CELF4: variants seen among roughly 807,000 people sequenced by gnomAD.
CELF4 encodes the protein CUG-BP- and ETR-3-like factor 4.
CELF4 carries 18 observed loss-of-function variants against 59.9 expected under a neutral mutation model. That is an observed-to-expected ratio of 0.30 (90% confidence interval 0.21 to 0.45). The LOEUF (loss-of-function observed/expected upper bound fraction) is 0.45, where lower values mean the gene tolerates loss of function less well. Ranked by LOEUF, CELF4 falls within the 20% of genes least tolerant of loss-of-function variation. CELF4 has a pLI of 1.00. For synonymous variants in CELF4, 261 were observed against 267.1 expected (o/e 0.98, Z 0.22); for missense variants, 456 against 689.0 (o/e 0.66, Z 3.79).
At chr18:37,354,966 T>C (rs1221810014) in intron 2 of CELF4, among the ~76,000 whole-genome samples, 1 of 152,232 alleles carries the variant, frequency 6.6e-6, no homozygotes, top group Non-Finnish European at 1.5e-5. Flanking sequence ...TTTCAGCAGC[T>C]CTTTCTCCAG....
intron 2 of CELF4, among the ~76,000 whole-genome samples, chr18:37,434,667 G>T (rs2099683789): frequency 1.3e-5 from 2 of 152,138 alleles, no homozygotes; most frequent in African/African-American, 4.8e-5. Flanking sequence ...GTTGCATGGG[G>T]ATTGGCCTTA....
chr18:37,517,437 C>T (rs1368248411), intron 1 of CELF4, among the ~76,000 whole-genome samples: 3 of 152,080 alleles, frequency 2.0e-5, no homozygotes, highest in African/African-American at 7.2e-5. Context: ...CAGGAGCTGT[C>T]TGTCGGTGCT....
rs376092030 is a variant in CELF4, at chr18:37,392,972, T to C, written c.370-71091A>G. 8.6e-4 allele frequency among the ~76,000 whole-genome samples: 131 copies of C among 152,364 alleles called. 2 individuals are homozygous for C. The highest frequency in any genetic ancestry group is 3.0e-3 in the African/African-American group (125 of 41,602). On this transcript the variant is annotated intron_variant, in intron 2 of 12. Transcript: ENST00000420428. ...ATTCCAAGGGGGCAGATTTTATTTT[T>C]GTCTGTTCCCTGTGGTGCCCCATGC... is the stretch of plus-strand genomic sequence containing the variant.
intron 1 of CELF4, among the ~76,000 whole-genome samples, chr18:37,508,981 A>G (rs1266016037): frequency 6.6e-6 from 1 of 152,084 alleles, no homozygotes; most frequent in Non-Finnish European, 1.5e-5. Context: ...GGACGTCTGC[A>G]TACACCACTC....
intron 1 of CELF4, among the ~76,000 whole-genome samples, chr18:37,491,676 G>A (rs139779203): frequency 6.6e-6 from 1 of 152,252 alleles, no homozygotes; most frequent in Non-Finnish European, 1.5e-5. Context: ...CAGGAGAGGT[G>A]AGCACTGGGC....
At chr18:37,412,987 C>T (rs1007164169) in intron 2 of CELF4, among the ~76,000 whole-genome samples, 1 of 152,064 alleles carries the variant, frequency 6.6e-6, no homozygotes, top group African/African-American at 2.4e-5. Context: ...GCTGCGGGGG[C>T]TGGGCAGAGG....
At chr18:37,503,822 AGTCT>A (rs2099934470) in intron 1 of CELF4, among the ~76,000 whole-genome samples, 1 of 152,182 alleles carries the variant, frequency 6.6e-6, no homozygotes, top group Non-Finnish European at 1.5e-5. Flanking sequence ...AATGTCAGGC[AGTCT>A]CCTTCAAGGT....
intron 2 of CELF4, among the ~76,000 whole-genome samples, chr18:37,416,037 A>C (rs1359507280): frequency 6.6e-6 from 1 of 152,174 alleles, no homozygotes; most frequent in Non-Finnish European, 1.5e-5. Flanking sequence ...AGAAGGTGGC[A>C]AAACAGCAAA....
intron 1 of CELF4, among the ~76,000 whole-genome samples, chr18:37,515,222 G>C (rs1043715466): frequency 6.6e-6 from 1 of 152,150 alleles, no homozygotes; most frequent in Non-Finnish European, 1.5e-5. Context: ...TGGAGGAGGG[G>C]GATTTGCAGT....
chr18:37,432,941 A>G (rs1285945767), intron 2 of CELF4, among the ~76,000 whole-genome samples: 1 of 152,214 alleles, frequency 6.6e-6, no homozygotes, highest in Non-Finnish European at 1.5e-5. Flanking sequence ...GTGAGCTTGC[A>G]GTACCAGCAG....
intron 2 of CELF4, among the ~76,000 whole-genome samples, chr18:37,356,811 T>C (rs1008109148): frequency 6.6e-6 from 1 of 152,224 alleles, no homozygotes; most frequent in Non-Finnish European, 1.5e-5. Context: ...TCTCTGACCC[T>C]GACCCAGATC....
At chr18:37,451,413 G>GTA (rs2099763501) in intron 2 of CELF4, among the ~76,000 whole-genome samples, 1 of 152,170 alleles carries the variant, frequency 6.6e-6, no homozygotes, top group Non-Finnish European at 1.5e-5. Flanking sequence ...ATGTGGTTGT[G>GTA]TATGCATGTG....
chr18:37,463,007 T>C (rs2099797989), intron 2 of CELF4, among the ~76,000 whole-genome samples: 1 of 152,150 alleles, frequency 6.6e-6, no homozygotes, highest in Non-Finnish European at 1.5e-5. Flanking sequence ...GGACCTGCAC[T>C]CTGGGGGAAC....
chr18:37,445,376 G>A (rs1489999638), intron 2 of CELF4, among the ~76,000 whole-genome samples: 1 of 152,008 alleles, frequency 6.6e-6, no homozygotes, highest in Non-Finnish European at 1.5e-5. Flanking sequence ...GGTAGGCTGA[G>A]TCCCTGAGTT....
chr18:37,538,596 G>A (rs1006215259), intron 1 of CELF4, among the ~76,000 whole-genome samples: 1 of 152,176 alleles, frequency 6.6e-6, no homozygotes, highest in Non-Finnish European at 1.5e-5. Flanking sequence ...TAAAATGGCT[G>A]CCTGGGACTA....
intron 2 of CELF4, among the ~76,000 whole-genome samples, chr18:37,354,914 G>A (rs776269548): frequency 7.2e-5 from 11 of 152,240 alleles, no homozygotes; most frequent in Non-Finnish European, 1.6e-4. Context: ...TGAGGCCTCT[G>A]CCTATGGAGA....
intron 2 of CELF4, among the ~76,000 whole-genome samples, chr18:37,471,530 G>A (rs1040074335): frequency 6.6e-6 from 1 of 152,056 alleles, no homozygotes; most frequent in Non-Finnish European, 1.5e-5. Flanking sequence ...CCTCACTGGA[G>A]TGACATCTGG....
At chr18:37,297,609 G>A (rs1474469461) in intron 3 of CELF4, among the ~76,000 whole-genome samples, 3 of 152,194 alleles carry the variant, frequency 2.0e-5, no homozygotes, top group African/African-American at 7.2e-5. Context: ...AATGTAATAA[G>A]TTTTGACAAA....
At chr18:37,286,991 G>A (rs2154402203) in intron 3 of CELF4, among the ~76,000 whole-genome samples, 1 of 152,208 alleles carries the variant, frequency 6.6e-6, no homozygotes, top group Admixed American at 6.5e-5. Context: ...AGCACCAGCG[G>A]CTGCCCCTGC....
Sources: gnomAD v4.1 joint callset for allele counts (sites outside exome capture counted in the v4.1 genomes callset) on GRCh38, gnomAD v4.1.1 for gene constraint, MANE v1.5 for transcripts, NCBI Gene and HGNC (gene_info 2026-07-23, HGNC 2026-07-21) for gene names.